PHF21A: variants seen among roughly 807,000 people sequenced by gnomAD.
PHF21A encodes PHD finger protein 21A.
In PHF21A, 11 loss-of-function variants were observed where a neutral mutation model predicts 82.5. The observed-to-expected ratio is 0.13, with a 90% CI of 0.08 to 0.22. The LOEUF is 0.22. PHF21A is among the 10% of genes least tolerant of loss of function. The probability of loss-of-function intolerance (pLI) is 1.00; values close to 1 mark genes in which losing one functional copy is unlikely to be tolerated. For synonymous variants in PHF21A, 297 were observed against 302.8 expected (o/e 0.98, Z 0.20); for missense variants, 579 against 837.8 (o/e 0.69, Z 3.81).
intron 16 of PHF21A, among the ~76,000 whole-genome samples, chr11:45,937,258 C>T (rs1016701638): frequency 1.3e-5 from 2 of 152,086 alleles, no homozygotes; most frequent in Non-Finnish European, 2.9e-5. Context: ...TTGCCTACCT[C>T]TAAAAAAGAC....
intron 4 of PHF21A, among the ~76,000 whole-genome samples, chr11:46,082,685 A>C (rs1435969262): frequency 2.0e-5 from 3 of 152,180 alleles, no homozygotes; most frequent in African/African-American, 7.2e-5. Context: ...AATTTTAATT[A>C]GATTTAAAAT....
intron 1 of PHF21A, among the ~76,000 whole-genome samples, chr11:46,116,013 G>A (rs2097285265): frequency 6.6e-6 from 1 of 152,016 alleles, no homozygotes; most frequent in Non-Finnish European, 1.5e-5. Context: ...TCTAAAGGGG[G>A]CAATTTCAAA....
chr11:46,033,291 G>C (rs1289123443), intron 6 of PHF21A, among the ~76,000 whole-genome samples: 1 of 152,172 alleles, frequency 6.6e-6, no homozygotes, highest in Non-Finnish European at 1.5e-5. Flanking sequence ...TTGAGGCACA[G>C]TCTTACTCTG....
chr11:46,114,671 A>C (rs1421492252), intron 1 of PHF21A, among the ~76,000 whole-genome samples: 5 of 152,136 alleles, frequency 3.3e-5, no homozygotes, highest in Non-Finnish European at 7.4e-5. Flanking sequence ...ACTTATTTAA[A>C]ATTTAAAAAA....
chr11:46,022,805 C>T (rs939712447), intron 6 of PHF21A, among the ~76,000 whole-genome samples: 2 of 151,786 alleles, frequency 1.3e-5, no homozygotes, highest in Non-Finnish European at 2.9e-5. Context: ...TTTTTTGAGA[C>T]GGAGTCTCGG....
At chr11:46,016,613 C>A (rs926955622) in intron 6 of PHF21A, among the ~76,000 whole-genome samples, 3 of 152,116 alleles carry the variant, frequency 2.0e-5, no homozygotes, top group African/African-American at 7.2e-5. Context: ...CAAAGAGCAC[C>A]CGTGTACAAC....
At chr11:46,020,331 G>C (rs752547598) in intron 6 of PHF21A, among the ~76,000 whole-genome samples, 14 of 152,250 alleles carry the variant, frequency 9.2e-5, no homozygotes, top group South Asian at 2.1e-4. Flanking sequence ...GTGGCTGCTA[G>C]TATCCTGCAG....
Position 45,936,550 on chromosome 11 carries a change from G to A in PHF21A, c.1628C>T (p.Ala543Val). Residue 543 changes from alanine (A) to valine (V), a missense_variant, in exon 17 of 19, where the codon GCA becomes GTA. Transcript: ENST00000676320. Reference protein sequence around the residue: ...CQDQMLKKEEAIPWPGTLAIV... With the variant: ...CQDQMLKKEEVIPWPGTLAIV... ...TGCTAAAGTTCCAGGCCATGGAATTGCTTCTTCCTTCTTCAGCATCTGAAA... is the reference window on the plus strand; with the variant it reads ...TGCTAAAGTTCCAGGCCATGGAATTACTTCTTCCTTCTTCAGCATCTGAAA... 1 of 1,612,566 alleles carries A rather than the reference G, an allele frequency of 6.2e-7. No homozygotes were observed. Among genetic ancestry groups the A allele is most frequent in the Non-Finnish European group, 8.5e-7 (1 of 1,178,602 alleles).
intron 1 of PHF21A, among the ~76,000 whole-genome samples, chr11:46,107,474 G>A (rs970352434): frequency 6.6e-6 from 1 of 152,116 alleles, no homozygotes; most frequent in Admixed American, 6.5e-5. Flanking sequence ...ACTAAACTTG[G>A]CTGGTAAAAA....
At chr11:46,106,919 A>G (rs1166690685) in intron 1 of PHF21A, among the ~76,000 whole-genome samples, 1 of 152,170 alleles carries the variant, frequency 6.6e-6, no homozygotes, top group African/African-American at 2.4e-5. Flanking sequence ...TCAGCCTTTC[A>G]CAGAAAGAAA....
intron 2 of PHF21A, among the ~76,000 whole-genome samples, chr11:46,091,573 ATTAATT>A (rs1429678409): frequency 6.6e-6 from 1 of 152,246 alleles, no homozygotes. Flanking sequence ...CTAATCCAAT[ATTAATT>A]TTAAGAATGT....
At chr11:46,101,764 T>C (rs2097098510) in intron 1 of PHF21A, among the ~76,000 whole-genome samples, 2 of 152,006 alleles carry the variant, frequency 1.3e-5, no homozygotes, top group Admixed American at 1.3e-4. Context: ...GCCTCCCTAA[T>C]AGCTGGGACT....
At chr11:45,943,320 A>G (rs535087267) in intron 15 of PHF21A, among the ~76,000 whole-genome samples, 1 of 152,012 alleles carries the variant, frequency 6.6e-6, no homozygotes, top group African/African-American at 2.4e-5. Flanking sequence ...ACGGGGTTTC[A>G]CTATATTGCC....
At chr11:45,944,880 C>T (rs765174841) in intron 15 of PHF21A, among the ~76,000 whole-genome samples, 10 of 152,232 alleles carry the variant, frequency 6.6e-5, no homozygotes, top group Non-Finnish European at 1.0e-4. Context: ...GATTCTCCTG[C>T]CTCAGCCTCC....
chr11:45,945,755 C>T, intron 15 of PHF21A, 85 bp downstream of exon 15: 3 of 1,151,494 alleles, frequency 2.6e-6, no homozygotes, highest in Middle Eastern at 2.7e-4. Flanking sequence ...CAAGAAGGTG[C>T]AAGTCGATAA....
chr11:45,976,427 G>A (rs1043881342), intron 7 of PHF21A, among the ~76,000 whole-genome samples: 1 of 152,050 alleles, frequency 6.6e-6, no homozygotes, highest in African/African-American at 2.4e-5. Flanking sequence ...GCACACAGTA[G>A]GAACTCCACA....
At chr11:45,965,940 T>C (rs2093408660) in intron 9 of PHF21A, among the ~76,000 whole-genome samples, 1 of 152,138 alleles carries the variant, frequency 6.6e-6, no homozygotes, top group African/African-American at 2.4e-5. Context: ...ATGTTGCCAA[T>C]AGCCTTAACT....
At chr11:46,013,059 T>C (rs974124010) in intron 6 of PHF21A, among the ~76,000 whole-genome samples, 1 of 152,156 alleles carries the variant, frequency 6.6e-6, no homozygotes, top group South Asian at 2.1e-4. Context: ...TTTTTTCCTA[T>C]ATATTCACAC....
chr11:46,005,901 AAACTTC>A (rs1247580755), intron 6 of PHF21A, among the ~76,000 whole-genome samples: 1 of 152,212 alleles, frequency 6.6e-6, no homozygotes, highest in African/African-American at 2.4e-5. Flanking sequence ...TTTCTTTAAA[AAACTTC>A]AACTTCAGAA....
Sources: gnomAD v4.1 joint callset for allele counts (sites outside exome capture counted in the v4.1 genomes callset) on GRCh38, gnomAD v4.1.1 for gene constraint, MANE v1.5 for transcripts, NCBI Gene and HGNC (gene_info 2026-07-23, HGNC 2026-07-21) for gene names.